The following NOTCH2 variants were observed in gnomAD, a reference collection of about 807,000 sequenced individuals.
NOTCH2 encodes the protein notch receptor 2, also known as neurogenic locus notch homolog protein 2.
NOTCH2 carries 29 observed loss-of-function variants against 235.8 expected under a neutral mutation model. The observed-to-expected ratio is 0.12, with a 90% CI of 0.09 to 0.17. The LOEUF is 0.17. Ranked by LOEUF, NOTCH2 falls within the 10% of genes least tolerant of loss-of-function variation. The pLI is 1.00. For synonymous variants in NOTCH2, 1,086 were observed against 1,141.5 expected (o/e 0.95, Z 0.98); for missense variants, 2,285 against 3,150.2 (o/e 0.73, Z 6.57).
At chr1:120,048,592 G>A (rs1207732462) in intron 1 of NOTCH2, among the ~76,000 whole-genome samples, 3 of 146,030 alleles carry the variant, frequency 2.1e-5, no homozygotes, top group Non-Finnish European at 4.5e-5. Flanking sequence ...GGGACCACAG[G>A]TGTGCACCCC....
intron 10 of NOTCH2, among the ~76,000 whole-genome samples, chr1:119,964,790 T>C (rs142352857): frequency 3.6e-4 from 55 of 152,356 alleles, no homozygotes; most frequent in African/African-American, 1.3e-3. Context: ...CCTTTCTGTA[T>C]AATATTTGCC....
At chr1:119,949,462 C>A (rs974915735) in intron 15 of NOTCH2, among the ~76,000 whole-genome samples, 3 of 150,118 alleles carry the variant, frequency 2.0e-5, no homozygotes, top group Non-Finnish European at 3.0e-5. Flanking sequence ...TCTCGGCTCA[C>A]TGCAACCTCC....
intron 3 of NOTCH2, among the ~76,000 whole-genome samples, chr1:120,004,737 T>G (rs1485794253): frequency 6.6e-6 from 1 of 152,220 alleles, no homozygotes; most frequent in African/African-American, 2.4e-5. Flanking sequence ...TGTACTTATT[T>G]CTTTTAGTGA....
intron 5 of NOTCH2, among the ~76,000 whole-genome samples, chr1:119,983,507 T>A (rs2101176727): frequency 6.6e-6 from 1 of 152,316 alleles, no homozygotes. Flanking sequence ...TCAATTCACA[T>A]TAGCCATATT....
chr1:120,047,817 T>A (rs1189838253), intron 1 of NOTCH2, among the ~76,000 whole-genome samples: 211 of 125,840 alleles, frequency 1.7e-3, no homozygotes, highest in Non-Finnish European at 2.9e-3. Flanking sequence ...CAGGTTGGAG[T>A]GCAATGGCGT....
chr1:119,918,630 C>T lies in NOTCH2; in HGVS notation c.5782-77G>A, dbSNP rs2793829. 0.12 allele frequency: 175,434 copies of T among 1,462,862 alleles called. 13,060 individuals are homozygous for T. The highest frequency in any genetic ancestry group is 0.33 in the African/African-American group (23,686 of 72,164). The allele number at this position is 1,462,862 out of a possible 1,614,324, so 90.6% of individuals were successfully genotyped here. A position where few individuals can be genotyped will look rare whatever the true frequency, so the allele number is the denominator to read the frequency against. On this transcript the variant is annotated intron_variant, in intron 31 of 33. Coordinates refer to ENST00000256646, the MANE Select transcript of NOTCH2 (RefSeq NM_024408.4). ...ATGAAACTCAGTGAAGAAACAAGGG[C>T]ATCAGAGCTGAGGCTACAGTGTAGA...
intron 5 of NOTCH2, among the ~76,000 whole-genome samples, chr1:119,978,940 G>A (rs1404956539): frequency 6.6e-6 from 1 of 152,140 alleles, no homozygotes; most frequent in Admixed American, 6.5e-5. Flanking sequence ...CATAAAACAT[G>A]GAGAATGTAA....
At chr1:119,961,960 T>C (rs942407803) in intron 11 of NOTCH2, among the ~76,000 whole-genome samples, 3 of 152,330 alleles carry the variant, frequency 2.0e-5, no homozygotes, top group South Asian at 4.1e-4. Context: ...AGGTCCCTGA[T>C]ACATGCCAGG....
In NOTCH2 at chr1:119,922,658, T is replaced by C. The variant is rs372831387; in HGVS notation, c.4980A>G (p.Ser1660=). ...CACTGACGACAGACACAAGAGGGTA[T>C]GACAGGGTCCCCTGTATGGCGTGAG... ...LASHAIQGTL[S]YPLVSVVSES... The change falls in exon 27 of 34, where the codon TCA becomes TCG. Residue 1660 remains serine, a synonymous_variant. Transcript: ENST00000256646. The C allele has an allele frequency of 4.0e-5, 64 of 1,614,024 alleles. No individual in the cohort carries two copies. Among genetic ancestry groups the C allele is most frequent in the Non-Finnish European group, 4.8e-5 (57 of 1,180,036 alleles).
chr1:119,924,106 C>T, intron 25 of NOTCH2, 122 bp from the exon 26 acceptor site: 1 of 798,168 alleles, frequency 1.3e-6, no homozygotes, highest in East Asian at 2.7e-5. Flanking sequence ...CACCCAGGAC[C>T]CAAATGCCCC....
At chr1:119,957,397 T>C (rs1553198460) in intron 12 of NOTCH2, among the ~76,000 whole-genome samples, 1 of 152,180 alleles carries the variant, frequency 6.6e-6, no homozygotes, top group Non-Finnish European at 1.5e-5. Context: ...ATTCCTTACA[T>C]TCCCCCATTT....
intron 2 of NOTCH2, among the ~76,000 whole-genome samples, chr1:120,008,809 T>C (rs1425184682): frequency 4.6e-5 from 7 of 152,240 alleles, no homozygotes; most frequent in African/African-American, 1.7e-4. Context: ...GTGCCAGGCA[T>C]TTTTCCAGTG....
intron 3 of NOTCH2, among the ~76,000 whole-genome samples, chr1:119,997,930 TA>T (rs1652535960): frequency 7.0e-6 from 1 of 143,016 alleles, no homozygotes; most frequent in Non-Finnish European, 1.5e-5. Context: ...GCCGAGATTG[TA>T]CCACTGCACT....
rs1265085825 is a variant in NOTCH2 at position 119,950,671 on chromosome 1, C to A, written c.2479+53G>T. 3 of 1,179,440 alleles carry A rather than the reference C, an allele frequency of 2.5e-6. No homozygotes were observed. In the African/African-American group the frequency reaches 4.5e-5, roughly 18 times the overall value. The allele number at this position is 1,179,440 out of a possible 1,614,324, so 73.1% of individuals were successfully genotyped here. On this transcript the variant is annotated intron_variant, in intron 15 of 33. Coordinates refer to ENST00000256646, the MANE Select transcript of NOTCH2 (RefSeq NM_024408.4). ...CTGGGCACTGAGACTCAGGCACTGA[C>A]AAAGCAAGGTCAAGTATCCCCTCTG...
chr1:120,059,225 C>A, intron 1 of NOTCH2, among the ~76,000 whole-genome samples: 1 of 76,608 alleles, frequency 1.3e-5, no homozygotes, highest in Non-Finnish European at 2.5e-5. Context: ...CTTGGTTGAT[C>A]AGAAATGTCC....
intron 2 of NOTCH2, among the ~76,000 whole-genome samples, chr1:120,017,968 A>G (rs1400849718): frequency 6.6e-6 from 1 of 151,990 alleles, no homozygotes; most frequent in African/African-American, 2.4e-5. Flanking sequence ...TAGATTCTGT[A>G]GTGACTGCCA....
intron 17 of NOTCH2, among the ~76,000 whole-genome samples, chr1:119,945,062 A>G (rs1351979955): frequency 6.6e-6 from 1 of 152,192 alleles, no homozygotes; most frequent in Non-Finnish European, 1.5e-5. Context: ...TACATTTTAT[A>G]ACAACAATAG....
At chr1:119,972,613 G>A (rs1553200506) in intron 5 of NOTCH2, among the ~76,000 whole-genome samples, 1 of 152,184 alleles carries the variant, frequency 6.6e-6, no homozygotes, top group Non-Finnish European at 1.5e-5. Context: ...GGTAAATAAA[G>A]GAAAGGAAAT....
At chr1:120,053,647 T>G (rs1655046246) in intron 1 of NOTCH2, among the ~76,000 whole-genome samples, 1 of 141,004 alleles carries the variant, frequency 7.1e-6, no homozygotes, top group Admixed American at 6.9e-5. Context: ...TAGTCTACTC[T>G]TTAGGTGATC....
Sources: gnomAD v4.1 joint callset for allele counts (sites outside exome capture counted in the v4.1 genomes callset) on GRCh38, gnomAD v4.1.1 for gene constraint, MANE v1.5 for transcripts, NCBI Gene and HGNC (gene_info 2026-07-23, HGNC 2026-07-21) for gene names.